ROBO2: variants seen among roughly 807,000 people sequenced by gnomAD.
The protein encoded by ROBO2 is roundabout homolog 2.
ROBO2 carries 53 observed loss-of-function variants against 160.8 expected under a neutral mutation model. The observed-to-expected ratio is 0.33, with a 90% CI of 0.26 to 0.41. ROBO2 has a LOEUF of 0.41. ROBO2 is among the 10% of genes least tolerant of loss of function. The pLI, the probability that ROBO2 is intolerant of heterozygous loss-of-function variation, is 1.00. For missense variants in ROBO2, 1,577 were observed against 1,722.4 expected, an observed-to-expected ratio of 0.92 and a Z score of 1.49; for synonymous variants, 664 against 611.7, an observed-to-expected ratio of 1.09 and a Z score of -1.26.
At chr3:76,559,381 C>A (rs1176929140) in intron 2 of ROBO2, among the ~76,000 whole-genome samples, 1 of 152,138 alleles carries the variant, frequency 6.6e-6, no homozygotes, top group Non-Finnish European at 1.5e-5. Flanking sequence ...TCATGCATTG[C>A]AACGCAGTGG....
At chr3:76,102,873 G>C (rs376644191) in intron 2 of ROBO2, among the ~76,000 whole-genome samples, 220 of 151,322 alleles carry the variant, frequency 1.5e-3, no homozygotes, top group African/African-American at 5.0e-3. Context: ...CGCCCAGGCT[G>C]GTGTGCAGTG....
chr3:76,009,259 C>T (rs1292805367), intron 2 of ROBO2, among the ~76,000 whole-genome samples: 3 of 152,184 alleles, frequency 2.0e-5, no homozygotes, highest in Admixed American at 2.0e-4. Context: ...CCCGCTACCA[C>T]GCCCGGATAA....
chr3:77,505,579 GA>G (rs1281729434), intron 5 of ROBO2, among the ~76,000 whole-genome samples: 2 of 151,962 alleles, frequency 1.3e-5, no homozygotes, highest in Non-Finnish European at 2.9e-5. Context: ...TTAAGGAGAG[GA>G]AAAATGACCA....
At chr3:76,928,280 C>G (rs1036113790) in intron 2 of ROBO2, among the ~76,000 whole-genome samples, 1 of 152,032 alleles carries the variant, frequency 6.6e-6, no homozygotes, top group Non-Finnish European at 1.5e-5. Flanking sequence ...CAAATTCCCC[C>G]CAGAGCTTCT....
intron 2 of ROBO2, among the ~76,000 whole-genome samples, chr3:77,140,556 A>G (rs2076622657): frequency 1.3e-5 from 2 of 152,180 alleles, no homozygotes; most frequent in African/African-American, 4.8e-5. Flanking sequence ...CTGGGTGCTA[A>G]AAGCCTAGGC....
chr3:76,061,532 T>A (rs1314668527), intron 2 of ROBO2, among the ~76,000 whole-genome samples: 1 of 152,232 alleles, frequency 6.6e-6, no homozygotes, highest in Non-Finnish European at 1.5e-5. Context: ...CAGAGTTGTT[T>A]GATAGTAGAG....
intron 2 of ROBO2, among the ~76,000 whole-genome samples, chr3:76,411,088 A>AT (rs941126450): frequency 6.6e-6 from 1 of 152,004 alleles, no homozygotes; most frequent in Non-Finnish European, 1.5e-5. Flanking sequence ...GTGTTGAGTC[A>AT]TTTTTTTGGA....
intron 2 of ROBO2, among the ~76,000 whole-genome samples, chr3:76,752,172 C>G (rs2060700173): frequency 6.6e-6 from 1 of 150,992 alleles, no homozygotes; most frequent in East Asian, 2.0e-4. Context: ...AACCATCATT[C>G]TGAACTATCG....
intron 2 of ROBO2, among the ~76,000 whole-genome samples, chr3:76,043,475 A>C (rs2067341886): frequency 6.6e-6 from 1 of 151,660 alleles, no homozygotes; most frequent in Non-Finnish European, 1.5e-5. Flanking sequence ...AATTTCCCTT[A>C]GTCCTGCTGA....
At chr3:76,882,376 T>G (rs1462796827) in intron 2 of ROBO2, among the ~76,000 whole-genome samples, 1 of 152,172 alleles carries the variant, frequency 6.6e-6, no homozygotes. Context: ...TGAGTTTATC[T>G]TTCTCGGTTT....
intron 23 of ROBO2, chr3:77,630,361 G>A (rs144828957): frequency 2.7e-4 from 41 of 152,460 alleles, no homozygotes; most frequent in African/African-American, 9.2e-4. Context: ...AAGACAAAGG[G>A]GCATGTCTTA....
chr3:77,440,689 C>A (rs2079825038), intron 2 of ROBO2, among the ~76,000 whole-genome samples: 2 of 152,114 alleles, frequency 1.3e-5, no homozygotes, highest in Non-Finnish European at 2.9e-5. Context: ...AATTGCAAGA[C>A]CTATGTGAAA....
At chr3:77,437,595 C>T (rs900008629) in intron 2 of ROBO2, among the ~76,000 whole-genome samples, 2 of 151,884 alleles carry the variant, frequency 1.3e-5, no homozygotes, top group Non-Finnish European at 2.9e-5. Context: ...TTGCATAGAA[C>T]TGTAACATGT....
chr3:76,948,909 T>TATATATATATA (rs1553703171), intron 2 of ROBO2, among the ~76,000 whole-genome samples: 23 of 21,712 alleles, frequency 1.1e-3, no homozygotes, highest in Admixed American at 2.4e-3. Flanking sequence ...TATATATATA[T>TATATATATATA]TTTTTTTTTT....
At chr3:76,060,353 A>G (rs951451331) in intron 2 of ROBO2, among the ~76,000 whole-genome samples, 2 of 152,230 alleles carry the variant, frequency 1.3e-5, no homozygotes, top group African/African-American at 4.8e-5. Context: ...ACATGTGGTG[A>G]AGGAGTGAAT....
At chr3:77,544,438 T>C (rs1428990858) in intron 6 of ROBO2, among the ~76,000 whole-genome samples, 1 of 152,160 alleles carries the variant, frequency 6.6e-6, no homozygotes, top group Non-Finnish European at 1.5e-5. Context: ...GAAGAAAATG[T>C]CATTTAGTAG....
At chr3:76,753,900 A>G (rs1158230589) in intron 2 of ROBO2, among the ~76,000 whole-genome samples, 1 of 151,768 alleles carries the variant, frequency 6.6e-6, no homozygotes, top group Non-Finnish European at 1.5e-5. Flanking sequence ...TGGCAAAACT[A>G]TTGCCCTTTT....
intron 2 of ROBO2, among the ~76,000 whole-genome samples, chr3:76,689,782 A>C (rs2092762199): frequency 6.6e-6 from 1 of 152,068 alleles, no homozygotes; most frequent in Admixed American, 6.6e-5. Context: ...CAGGTATTAA[A>C]ATTCTTTTTT....
chr3:76,479,962 G>T (rs2079124120), intron 2 of ROBO2, among the ~76,000 whole-genome samples: 1 of 152,112 alleles, frequency 6.6e-6, no homozygotes, highest in South Asian at 2.1e-4. Flanking sequence ...TTAGTGATTT[G>T]ATGATATTTA....
Sources: gnomAD v4.1 joint callset for allele counts (sites outside exome capture counted in the v4.1 genomes callset) on GRCh38, gnomAD v4.1.1 for gene constraint, MANE v1.5 for transcripts, NCBI Gene and HGNC (gene_info 2026-07-23, HGNC 2026-07-21) for gene names.